Variants in MACROD1 observed in about 807,000 individuals in gnomAD.
MACROD1 encodes ADP-ribose glycohydrolase MACROD1.
MACROD1 carries 31 observed loss-of-function variants against 41.4 expected under a neutral mutation model. That is an observed-to-expected ratio of 0.75 (90% CI 0.56 to 1.01). The LOEUF is 1.01. Ranked by LOEUF, MACROD1 falls within the 50% of genes least tolerant of loss-of-function variation. The pLI, the probability that MACROD1 is intolerant of heterozygous loss-of-function variation, is 0.00. For missense variants in MACROD1, 473 were observed against 460.0 expected, an observed-to-expected ratio of 1.03 and a Z score of -0.26; for synonymous variants, 252 against 203.4, an observed-to-expected ratio of 1.24 and a Z score of -2.03.
At chr11:63,999,444 C>T in intron 7 of MACROD1, 40 bp from the exon 8 acceptor site, 1 of 1,558,534 alleles carries the variant, frequency 6.4e-7, no homozygotes, top group Non-Finnish European at 8.7e-7. Context: ...AGGCTCTGGC[C>T]CCGCCCACTC....
intron 3 of MACROD1, among the ~76,000 whole-genome samples, chr11:64,088,644 C>CTTA (rs1339942436): frequency 6.6e-6 from 1 of 152,200 alleles, no homozygotes; most frequent in Non-Finnish European, 1.5e-5. Flanking sequence ...CCAGGCCACC[C>CTTA]TTATTGGTTG....
At position 64,060,249 on chromosome 11, in the gene MACROD1, C is replaced by G. The variant is rs756133863; in HGVS notation, c.518-44968G>C. 2.6e-4 allele frequency among the ~76,000 whole-genome samples: 39 copies of G among 152,248 alleles called. 2 individuals are homozygous for G. The highest frequency in any genetic ancestry group is 2.2e-4 in the Non-Finnish European group (15 of 68,042). On this transcript the variant is annotated intron_variant, in intron 3 of 10. Transcript: ENST00000255681. ...GGCCTGACAGCTCCCCACGCGGGCG[C>G]CCAGGAGGCCCCAGAGCTCCGGGAG...
At chr11:64,160,375 T>C (rs556306877) in intron 1 of MACROD1, among the ~76,000 whole-genome samples, 1 of 152,304 alleles carries the variant, frequency 6.6e-6, no homozygotes, top group African/African-American at 2.4e-5. Context: ...CCTTCTGACC[T>C]ATACGTCAGT....
rs529554247 is a variant in MACROD1, at chr11:63,999,512, C to T, written c.817+18G>A. 3.7e-6 allele frequency: 6 copies of T among 1,603,902 alleles called. No individual in the cohort carries two copies. In the African/African-American group the frequency reaches 5.3e-5, roughly 14 times the overall value. On this transcript the variant is annotated intron_variant, in intron 7 of 10. Transcript: ENST00000255681. ...GTCCACCGCCCACTCCTGGTCCTTG[C>T]CTTTCTTCCAGACTCACCAAACACG...
intron 3 of MACROD1, among the ~76,000 whole-genome samples, chr11:64,085,172 G>A (rs1944372281): frequency 6.6e-6 from 1 of 152,210 alleles, no homozygotes; most frequent in Admixed American, 6.5e-5. Context: ...AGGGCAGAGG[G>A]CAGCTTGGAG....
chr11:64,022,346 C>G (rs1382038964), intron 3 of MACROD1, among the ~76,000 whole-genome samples: 3 of 152,080 alleles, frequency 2.0e-5, no homozygotes, highest in Non-Finnish European at 1.5e-5. Flanking sequence ...AAGTGTGTCC[C>G]CAGCATCCTC....
At chr11:64,001,302 G>T in intron 4 of MACROD1, 2 of 629,158 alleles carry the variant, frequency 3.2e-6, no homozygotes, top group East Asian at 2.7e-5. Flanking sequence ...CCGGGACAGC[G>T]ACCCTCCCAC....
intron 3 of MACROD1, among the ~76,000 whole-genome samples, chr11:64,027,514 C>T (rs1036124248): frequency 1.3e-5 from 2 of 152,144 alleles, no homozygotes; most frequent in African/African-American, 4.8e-5. Flanking sequence ...TGGCTCAATC[C>T]AGTCAATGGA....
At chr11:64,007,089 G>A (rs758334103) in intron 4 of MACROD1, among the ~76,000 whole-genome samples, 6 of 152,172 alleles carry the variant, frequency 3.9e-5, no homozygotes, top group Non-Finnish European at 7.3e-5. Flanking sequence ...AAGCTTTCCT[G>A]GACTCTCTGG....
At chr11:64,083,507 C>T (rs1426503903) in intron 3 of MACROD1, among the ~76,000 whole-genome samples, 1 of 152,206 alleles carries the variant, frequency 6.6e-6, no homozygotes, top group African/African-American at 2.4e-5. Context: ...CTTCGGGTGC[C>T]TGGCTTTTTT....
intron 3 of MACROD1, among the ~76,000 whole-genome samples, chr11:64,046,613 A>G (rs2134400782): frequency 6.6e-6 from 1 of 152,200 alleles, no homozygotes; most frequent in Admixed American, 6.5e-5. Context: ...GGACAAGATC[A>G]TGTACCCTCC....
intron 3 of MACROD1, among the ~76,000 whole-genome samples, chr11:64,106,413 T>C (rs1394789620): frequency 5.3e-5 from 8 of 152,362 alleles, no homozygotes; most frequent in Admixed American, 4.6e-4. Context: ...AGATGTTTAC[T>C]GAGCACTTTC....
At chr11:64,015,087 C>G (rs572803049) in intron 4 of MACROD1, among the ~76,000 whole-genome samples, 165 bp downstream of exon 4, 1 of 152,108 alleles carries the variant, frequency 6.6e-6, no homozygotes, top group Non-Finnish European at 1.5e-5. Flanking sequence ...GGGTGCCAGG[C>G]CTGCCATCCA....
At chr11:64,018,777 C>T (rs143523617) in intron 3 of MACROD1, among the ~76,000 whole-genome samples, 154 of 152,294 alleles carry the variant, frequency 1.0e-3, no homozygotes, top group Non-Finnish European at 1.4e-3. Flanking sequence ...ACAGAGTACC[C>T]GGGGACTGGG....
intron 3 of MACROD1, among the ~76,000 whole-genome samples, chr11:64,141,695 C>T (rs1020922105): frequency 3.9e-5 from 6 of 152,304 alleles, no homozygotes; most frequent in African/African-American, 1.2e-4. Flanking sequence ...ACACCGGGGA[C>T]GCAAGCAGGG....
intron 3 of MACROD1, among the ~76,000 whole-genome samples, chr11:64,145,214 AG>A (rs1439134022): frequency 6.6e-6 from 1 of 152,166 alleles, no homozygotes; most frequent in Non-Finnish European, 1.5e-5. Flanking sequence ...TCTCCCTGCG[AG>A]GTCGGCTTGT....
intron 3 of MACROD1, among the ~76,000 whole-genome samples, chr11:64,106,113 G>A (rs1406323086): frequency 1.3e-5 from 2 of 152,152 alleles, no homozygotes; most frequent in African/African-American, 4.8e-5. Flanking sequence ...GTCTCCCTTT[G>A]GGGTCAGAGA....
intron 4 of MACROD1, chr11:64,001,169 C>T (rs1053370758): frequency 5.9e-6 from 3 of 512,240 alleles, no homozygotes; most frequent in Non-Finnish European, 7.0e-6. Flanking sequence ...CCCAACCTCG[C>T]CAGGGCACCG....
chr11:64,111,798 G>C (rs938973113), intron 3 of MACROD1, among the ~76,000 whole-genome samples: 1 of 152,216 alleles, frequency 6.6e-6, no homozygotes, highest in Admixed American at 6.5e-5. Context: ...GTCCTTCCCA[G>C]TCCCCAATGT....
Sources: allele counts gnomAD v4.1 joint callset (sites outside exome capture counted in the v4.1 genomes callset), GRCh38; gene constraint gnomAD v4.1.1; transcripts MANE v1.5; gene names NCBI Gene and HGNC (gene_info 2026-07-23, HGNC 2026-07-21).